SYNE2: variants seen among roughly 807,000 people sequenced by gnomAD.
SYNE2 encodes the protein spectrin repeat containing nuclear envelope protein 2, also known as nesprin-2.
A neutral mutation model predicts 856.3 loss-of-function variants in SYNE2; 431 were observed. That is an observed-to-expected ratio of 0.50 (90% CI 0.47 to 0.55). The LOEUF (loss-of-function observed/expected upper bound fraction) is 0.55, where lower values mean the gene tolerates loss of function less well. Among genes scored for constraint, SYNE2 ranks in the 20% least tolerant of loss-of-function variants. The probability of loss-of-function intolerance (pLI) is 0.00; values close to 1 mark genes in which losing one functional copy is unlikely to be tolerated. For synonymous variants in SYNE2, 2,923 were observed against 2,872.3 expected (o/e 1.02, Z -0.56); for missense variants, 8,129 against 8,023.2 (o/e 1.01, Z -0.50).
intron 1 of SYNE2, among the ~76,000 whole-genome samples, chr14:63,778,535 G>C (rs1412044936): frequency 6.6e-6 from 1 of 151,604 alleles, no homozygotes; most frequent in Admixed American, 6.6e-5. Context: ...TTTTTCCTGA[G>C]ACCGGGTCTT....
At chr14:63,887,156 C>T (rs1209028370) in intron 1 of SYNE2, among the ~76,000 whole-genome samples, 10 of 151,988 alleles carry the variant, frequency 6.6e-5, no homozygotes, top group African/African-American at 2.2e-4. Context: ...TGGCCTGTGC[C>T]TGTAGTCCCA....
intron 45 of SYNE2, among the ~76,000 whole-genome samples, chr14:64,046,844 G>A (rs1421848683): frequency 6.6e-6 from 1 of 152,218 alleles, no homozygotes; most frequent in Non-Finnish European, 1.5e-5. Context: ...CCCACAGCCA[G>A]ACTAGGCATG....
rs375314333 is a variant in SYNE2, at chr14:64,000,463, T to C, written c.3481-99T>C. 1.1e-4 allele frequency: 126 copies of C among 1,108,194 alleles called. No individual in the cohort carries two copies. The African/African-American group carries it at 1.9e-3, about 17-fold the overall frequency. The allele number at this position is 1,108,194 out of a possible 1,614,324, so 68.6% of individuals were successfully genotyped here. A position where few individuals can be genotyped will look rare whatever the true frequency, so the allele number is the denominator to read the frequency against. ...ACACATTTACATATGAAACATTGTG[T>C]TTGCTTCCACAGTTGGTGAATGTCT... On this transcript the variant is annotated intron_variant, in intron 27 of 115. Coordinates refer to ENST00000555002, the MANE Select transcript of SYNE2 (RefSeq NM_182914.3).
chr14:64,124,377 ATTTT>A (rs372149959), intron 70 of SYNE2, among the ~76,000 whole-genome samples: 1 of 130,096 alleles, frequency 7.7e-6, no homozygotes. Context: ...TTTTTGTATA[ATTTT>A]TTTTTTTTTT....
intron 48 of SYNE2, among the ~76,000 whole-genome samples, chr14:64,055,624 C>CCCA (rs777744525): frequency 5.9e-5 from 9 of 152,072 alleles, no homozygotes; most frequent in Non-Finnish European, 1.3e-4. Context: ...ACCTCGGCCT[C>CCCA]CCAAAGTGCT....
At chr14:64,189,385 G>A (rs1247200391) in intron 98 of SYNE2, among the ~76,000 whole-genome samples, 1 of 151,660 alleles carries the variant, frequency 6.6e-6, no homozygotes, top group Non-Finnish European at 1.5e-5. Flanking sequence ...CAACAGCAGT[G>A]AGGCTCATAA....
At chr14:63,905,024 A>G (rs933273782) in intron 1 of SYNE2, among the ~76,000 whole-genome samples, 1 of 152,210 alleles carries the variant, frequency 6.6e-6, no homozygotes, top group African/African-American at 2.4e-5. Context: ...ATTCTTCAGC[A>G]TATGGCTATA....
At chr14:64,047,235 TCTC>T (rs2097192658) in intron 45 of SYNE2, among the ~76,000 whole-genome samples, 1 of 152,054 alleles carries the variant, frequency 6.6e-6, no homozygotes, top group Admixed American at 6.6e-5. Flanking sequence ...AGTCAGGCCG[TCTC>T]CTCCTCTACC....
intron 92 of SYNE2, 22 bp from the exon 93 acceptor site, chr14:64,168,855 T>C: frequency 6.6e-7 from 1 of 1,523,188 alleles, no homozygotes; most frequent in Non-Finnish European, 9.1e-7. Flanking sequence ...AGCTGATATT[T>C]TCTGCTTGGA....
chr14:64,083,881 C>G (rs551986149), intron 57 of SYNE2, among the ~76,000 whole-genome samples: 6 of 152,100 alleles, frequency 3.9e-5, no homozygotes, highest in Non-Finnish European at 8.8e-5. Flanking sequence ...GTAAGAATAA[C>G]TGAAACATAC....
intron 1 of SYNE2, among the ~76,000 whole-genome samples, chr14:63,809,420 A>T (rs1196373605): frequency 6.6e-6 from 1 of 152,168 alleles, no homozygotes; most frequent in Non-Finnish European, 1.5e-5. Context: ...CTTTTGGTTA[A>T]ATAGATAACC....
chr14:63,921,918 A>T (rs562630300), intron 2 of SYNE2, among the ~76,000 whole-genome samples: 1 of 152,326 alleles, frequency 6.6e-6, no homozygotes, highest in African/African-American at 2.4e-5. Flanking sequence ...TTTGAATCAG[A>T]CACATCTGGA....
intron 49 of SYNE2, among the ~76,000 whole-genome samples, chr14:64,060,834 G>A (rs182491914): frequency 6.6e-6 from 1 of 152,324 alleles, no homozygotes; most frequent in Non-Finnish European, 1.5e-5. Flanking sequence ...CCACTGGGAT[G>A]GGCAGTTGCC....
At chr14:64,158,434 C>G (rs1267174818) in intron 85 of SYNE2, among the ~76,000 whole-genome samples, 191 bp from the exon 86 acceptor site, 2 of 152,170 alleles carry the variant, frequency 1.3e-5, no homozygotes, top group Non-Finnish European at 2.9e-5. Context: ...CTTTTTCATT[C>G]ACTCATTATA....
At chr14:64,221,786 A>G (rs907571126) in intron 112 of SYNE2, 82 bp downstream of exon 112, 16 of 1,517,394 alleles carry the variant, frequency 1.1e-5, no homozygotes, top group Middle Eastern at 4.4e-4. Context: ...AGCCTCGCCT[A>G]GTATTTCAGG....
At chr14:63,950,113 C>T in intron 7 of SYNE2, 107 bp downstream of exon 7, 2 of 1,209,310 alleles carry the variant, frequency 1.7e-6, no homozygotes, top group South Asian at 1.2e-5. Context: ...TTCTCACTAT[C>T]CCCCTTCCTC....
At chr14:64,035,846 A>G (rs1161325081) in intron 45 of SYNE2, among the ~76,000 whole-genome samples, 1 of 150,810 alleles carries the variant, frequency 6.6e-6, no homozygotes, top group East Asian at 1.9e-4. Flanking sequence ...GGCATGTATC[A>G]CAATGCCCAG....
chr14:64,151,519 AAAAAAAAAG>A (rs2098243797), intron 84 of SYNE2, among the ~76,000 whole-genome samples: 1 of 142,938 alleles, frequency 7.0e-6, no homozygotes, highest in Non-Finnish European at 1.5e-5. Flanking sequence ...TTCAAAAAAA[AAAAAAAAAG>A]GCTGGGATCC....
chr14:64,128,817 A>C (rs1011924322), intron 74 of SYNE2, among the ~76,000 whole-genome samples: 1 of 152,262 alleles, frequency 6.6e-6, no homozygotes, highest in Non-Finnish European at 1.5e-5. Flanking sequence ...TTGGAAAATG[A>C]GACCCTCATC....
Sources: allele counts gnomAD v4.1 joint callset (sites outside exome capture counted in the v4.1 genomes callset), GRCh38; gene constraint gnomAD v4.1.1; transcripts MANE v1.5; gene names NCBI Gene and HGNC (gene_info 2026-07-23, HGNC 2026-07-21).